The following EBF3 variants were observed in gnomAD, a reference collection of about 807,000 sequenced individuals.
EBF3 encodes transcription factor COE3.
Under a neutral mutation model 77.1 loss-of-function variants are expected in EBF3, and 18 were observed. That is an observed-to-expected ratio of 0.23 (90% CI 0.16 to 0.35). EBF3 has a LOEUF of 0.35. Among genes scored for constraint, EBF3 ranks in the 10% least tolerant of loss-of-function variants. The pLI is 1.00. For missense variants in EBF3, 558 were observed against 860.0 expected (o/e 0.65, Z 4.39); for synonymous variants, 350 against 343.5 (o/e 1.02, Z -0.21).
At position 129,870,331 on chromosome 10, in the gene EBF3, T is replaced by A. The variant is rs1852319803; in HGVS notation, c.782-2419A>T. On this transcript the variant is annotated intron_variant, in intron 8 of 16. Transcript: ENST00000440978. The surrounding 1 kb of genome is among the most constrained non-coding windows in gnomAD (Gnocchi z 4.4). ...TACGCGCACAATACACTCAAGCAGA[T>A]GACAGGAGCTGGGCCCGGCAGCTGA... Among the ~76,000 whole-genome samples, 1 of 151,944 alleles carries A rather than the reference T, an allele frequency of 6.6e-6. No homozygotes were observed. Among genetic ancestry groups the A allele is most frequent in the South Asian group, 2.1e-4 (1 of 4,816 alleles).
intron 6 of EBF3, among the ~76,000 whole-genome samples, chr10:129,948,880 T>A (rs1858447234): frequency 6.6e-6 from 1 of 152,268 alleles, no homozygotes; most frequent in East Asian, 1.9e-4. Flanking sequence ...GACTATGGGA[T>A]GTCATTCTGC....
At chr10:129,882,253 A>T (rs1484827143) in intron 6 of EBF3, among the ~76,000 whole-genome samples, 3 of 152,250 alleles carry the variant, frequency 2.0e-5, no homozygotes, top group Non-Finnish European at 4.4e-5. Flanking sequence ...GAACTGTTTA[A>T]ATTCTACATG....
At chr10:129,858,999 C>T (rs753307095) in intron 10 of EBF3, among the ~76,000 whole-genome samples, 4 of 152,330 alleles carry the variant, frequency 2.6e-5, no homozygotes, top group East Asian at 1.9e-4. Flanking sequence ...TTTAAAATTT[C>T]GCACGCTCCG....
At chr10:129,888,168 C>T (rs947022400) in intron 6 of EBF3, among the ~76,000 whole-genome samples, 1 of 152,214 alleles carries the variant, frequency 6.6e-6, no homozygotes, top group African/African-American at 2.4e-5. Flanking sequence ...TCACGCCCTC[C>T]GCGTGATTTT....
intron 6 of EBF3, among the ~76,000 whole-genome samples, chr10:129,930,988 C>T (rs191797838): frequency 6.3e-5 from 9 of 143,776 alleles, no homozygotes; most frequent in Middle Eastern, 9.2e-3. Flanking sequence ...TATATCTCTA[C>T]ATTAACAAAT....
chr10:129,896,543 G>A (rs1854396201), intron 6 of EBF3, among the ~76,000 whole-genome samples: 1 of 152,184 alleles, frequency 6.6e-6, no homozygotes, highest in Non-Finnish European at 1.5e-5. Flanking sequence ...AGGCCCTTGG[G>A]GGCTGCCCCT....
Position 129,963,769 on chromosome 10 carries a change from G to GA in EBF3, c.-2dup. On this transcript the variant is annotated 5_prime_UTR_variant, in exon 1 of 17. Transcript: ENST00000440978. This position sits in a 1 kb window ranked among gnomAD's most constrained non-coding sequence, Gnocchi z 7.1. ...GAATATTCTCCTGAATCCCAAACAT[G>GA]AAAACTGCTGGCGGCGGCCGCAGCT... The GA allele has an allele frequency of 6.6e-7, 1 of 1,512,036 alleles. No individual in the cohort carries two copies. Among genetic ancestry groups the GA allele is most frequent in the Non-Finnish European group, 8.9e-7 (1 of 1,120,978 alleles). 93.7% of individuals were successfully genotyped at this position (1,512,036 alleles called of 1,614,324 possible).
chr10:129,931,680 C>G (rs530308688), intron 6 of EBF3, among the ~76,000 whole-genome samples: 1 of 152,260 alleles, frequency 6.6e-6, no homozygotes, highest in Non-Finnish European at 1.5e-5. Flanking sequence ...TTTTATAAAA[C>G]GAAGTCTTCT....
rs1021658317 is a variant in EBF3, at chr10:129,837,717, A to G, written c.*226T>C. ...TGAAAATATGAGAAAAGTTCAGTCAATAAAATGGAATTGTTCATGAAGAAG... is the reference window on the plus strand; with the variant it reads ...TGAAAATATGAGAAAAGTTCAGTCAGTAAAATGGAATTGTTCATGAAGAAG... On this transcript the variant is annotated 3_prime_UTR_variant, in exon 17 of 17. Coordinates refer to ENST00000440978, the MANE Select transcript of EBF3 (RefSeq NM_001375380.1). 3.8e-5 allele frequency: 22 copies of G among 578,496 alleles called. No homozygotes were observed. The African/African-American group carries it at 4.1e-4, about 11-fold the overall frequency. The allele number at this position is 578,496 out of a possible 1,614,324, so 35.8% of individuals were successfully genotyped here.
At chr10:129,844,815 A>G (rs1285929150) in intron 11 of EBF3, among the ~76,000 whole-genome samples, 1 of 152,190 alleles carries the variant, frequency 6.6e-6, no homozygotes, top group Non-Finnish European at 1.5e-5. Context: ...TGAAAGGCCC[A>G]GCTGTCTTAA....
intron 6 of EBF3, among the ~76,000 whole-genome samples, chr10:129,934,526 AG>A (rs1280800573): frequency 6.6e-6 from 1 of 151,854 alleles, no homozygotes; most frequent in African/African-American, 2.4e-5. Context: ...TCCTCATCTC[AG>A]GGCCCATGTA....
intron 5 of EBF3, among the ~76,000 whole-genome samples, chr10:129,958,368 C>G (rs1214871411): frequency 6.6e-6 from 1 of 152,112 alleles, no homozygotes; most frequent in Non-Finnish European, 1.5e-5. Flanking sequence ...GGGTGAAACT[C>G]TTGTGGTAGT....
At position 129,947,514 on chromosome 10, in the gene EBF3, C is replaced by A. The variant is rs903397051; in HGVS notation, c.554+9744G>T. Among the ~76,000 whole-genome samples, 33 of 152,130 alleles carry A rather than the reference C, an allele frequency of 2.2e-4. No homozygotes were observed. Among genetic ancestry groups the A allele is most frequent in the African/African-American group, 7.5e-4 (31 of 41,414 alleles). On this transcript the variant is annotated intron_variant, in intron 6 of 16. Transcript: ENST00000440978. This position sits in a 1 kb window ranked among gnomAD's most constrained non-coding sequence, Gnocchi z 4.5. ...CCACGGTGCAGTATATTTGCCTTCC[C>A]AATAATTTAATCATTTTCCTTTTAT...
chr10:129,850,285 G>A (rs1211751437), intron 10 of EBF3, among the ~76,000 whole-genome samples: 2 of 152,236 alleles, frequency 1.3e-5, no homozygotes, highest in East Asian at 1.9e-4. Flanking sequence ...GGTGATAGAC[G>A]CTTTAATGCA....
chr10:129,844,734 G>A (rs542331838), intron 11 of EBF3, among the ~76,000 whole-genome samples: 2 of 152,064 alleles, frequency 1.3e-5, no homozygotes, highest in Non-Finnish European at 2.9e-5. Flanking sequence ...TGGTGCCGAC[G>A]CTTGATGTTG....
rs1413854333 is a variant in EBF3 at position 129,897,058 on chromosome 10, A to G, written c.555-19209T>C. ...GCCAGCCTGATTGCCAGCCATGGCC[A>G]TCTCACTGCAGGCAACCTGAGCAGA... On this transcript the variant is annotated intron_variant, in intron 6 of 16. Transcript: ENST00000440978. This position sits in a 1 kb window ranked among gnomAD's most constrained non-coding sequence, Gnocchi z 4.6. Among the ~76,000 whole-genome samples, 4 of 152,242 alleles carry G rather than the reference A, an allele frequency of 2.6e-5. No individual in the cohort carries two copies. The highest frequency in any genetic ancestry group is 5.9e-5 in the Non-Finnish European group (4 of 68,044).
chr10:129,929,687 C>T (rs776621131), intron 6 of EBF3, among the ~76,000 whole-genome samples: 33 of 152,216 alleles, frequency 2.2e-4, no homozygotes, highest in South Asian at 1.7e-3. Flanking sequence ...GCTTTGTCCA[C>T]GAGAGAGGGC....
chr10:129,907,725 A>T (rs1452121148), intron 6 of EBF3, among the ~76,000 whole-genome samples: 1 of 152,262 alleles, frequency 6.6e-6, no homozygotes, highest in Non-Finnish European at 1.5e-5. Flanking sequence ...ATAGAGAGCC[A>T]TAAAAACTGA....
intron 8 of EBF3, 139 bp from the exon 9 acceptor site, chr10:129,868,051 G>A (rs997836652): frequency 2.1e-5 from 24 of 1,163,308 alleles, no homozygotes; most frequent in Non-Finnish European, 2.7e-5. Context: ...AAGGGCAACC[G>A]TAGATCAGCA....
Sources: allele counts gnomAD v4.1 joint callset (sites outside exome capture counted in the v4.1 genomes callset), GRCh38; gene constraint gnomAD v4.1.1; non-coding constraint Gnocchi (gnomAD v3.1); transcripts MANE v1.5; gene names NCBI Gene and HGNC (gene_info 2026-07-23, HGNC 2026-07-21).